The following PRKAR2B variants were observed in gnomAD, a reference collection of about 807,000 sequenced individuals.
PRKAR2B encodes the protein protein kinase cAMP-dependent type II regulatory subunit beta.
PRKAR2B carries 14 observed loss-of-function variants against 49.9 expected under a neutral mutation model. The ratio of observed to expected loss-of-function variants is 0.28; its 90% confidence interval spans 0.19 to 0.44. The LOEUF is 0.44. Among genes scored for constraint, PRKAR2B ranks in the 20% least tolerant of loss-of-function variants. The pLI is 1.00. For missense variants in PRKAR2B, 393 were observed against 537.9 expected (o/e 0.73, Z 2.67); for synonymous variants, 196 against 197.7 (o/e 0.99, Z 0.07).
intron 5 of PRKAR2B, among the ~76,000 whole-genome samples, chr7:107,142,286 T>TTCCC (rs1262581807): frequency 6.6e-6 from 1 of 152,166 alleles, no homozygotes; most frequent in Non-Finnish European, 1.5e-5. Context: ...GATTCTCCCA[T>TTCCC]TCCCTCATCC....
chr7:107,136,735 T>C (rs1795708257), intron 4 of PRKAR2B, among the ~76,000 whole-genome samples: 1 of 152,254 alleles, frequency 6.6e-6, no homozygotes, highest in Non-Finnish European at 1.5e-5. Context: ...ACAGCCACTT[T>C]AGAAGATTGT....
At chr7:107,075,716 T>C (rs930793628) in intron 2 of PRKAR2B, among the ~76,000 whole-genome samples, 2 of 152,112 alleles carry the variant, frequency 1.3e-5, no homozygotes, top group African/African-American at 4.8e-5. Context: ...GCAGAGAGTC[T>C]AGGCTTTTCA....
At chr7:107,157,075 C>T (rs886296878) in intron 9 of PRKAR2B, 26 bp downstream of exon 9, 16 of 1,607,672 alleles carry the variant, frequency 1.0e-5, no homozygotes, top group Non-Finnish European at 1.4e-5. Flanking sequence ...CCTCAGAACC[C>T]ACATACTGTT....
intron 1 of PRKAR2B, among the ~76,000 whole-genome samples, chr7:107,053,628 C>G (rs774586906): frequency 1.2e-4 from 18 of 151,086 alleles, no homozygotes; most frequent in Non-Finnish European, 2.4e-4. Context: ...TGGCAGAATA[C>G]AGAGGAAAAT....
intron 2 of PRKAR2B, among the ~76,000 whole-genome samples, chr7:107,116,871 A>C (rs1795283066): frequency 6.7e-6 from 1 of 148,854 alleles, no homozygotes; most frequent in African/African-American, 2.5e-5. Context: ...ATATACATAT[A>C]TATATATACA....
intron 5 of PRKAR2B, among the ~76,000 whole-genome samples, chr7:107,144,249 C>A (rs867459474): frequency 6.5e-4 from 99 of 151,906 alleles, no homozygotes; most frequent in African/African-American, 2.2e-3. Flanking sequence ...CCACGCCTGG[C>A]TAATTTTTTT....
chr7:107,064,813 G>T (rs1794101956), intron 1 of PRKAR2B, among the ~76,000 whole-genome samples: 1 of 152,200 alleles, frequency 6.6e-6, no homozygotes, highest in Non-Finnish European at 1.5e-5. Flanking sequence ...TAACAAAAAT[G>T]TAGAAAATAA....
At chr7:107,093,894 C>G (rs1232563602) in intron 2 of PRKAR2B, among the ~76,000 whole-genome samples, 2 of 152,240 alleles carry the variant, frequency 1.3e-5, no homozygotes, top group Admixed American at 1.3e-4. Context: ...GCCACATTTC[C>G]TTAATCCAGT....
intron 2 of PRKAR2B, among the ~76,000 whole-genome samples, chr7:107,114,665 T>G (rs1353052636): frequency 6.6e-6 from 1 of 151,824 alleles, no homozygotes; most frequent in African/African-American, 2.4e-5. Flanking sequence ...CCACCATGCC[T>G]GGCCAGCATG....
intron 1 of PRKAR2B, chr7:107,066,882 T>C (rs1425503140): frequency 1.3e-5 from 2 of 152,128 alleles, no homozygotes; most frequent in African/African-American, 2.4e-5. Flanking sequence ...GGCCAGGTTT[T>C]TTTCTTCAGA....
At chr7:107,145,167 A>C (rs1358383080) in intron 5 of PRKAR2B, among the ~76,000 whole-genome samples, 2 of 152,200 alleles carry the variant, frequency 1.3e-5, no homozygotes, top group African/African-American at 4.8e-5. Context: ...CAGAGAGTAA[A>C]TATTTTTGGC....
intron 2 of PRKAR2B, among the ~76,000 whole-genome samples, chr7:107,114,731 A>T (rs1285095017): frequency 6.6e-6 from 1 of 151,982 alleles, no homozygotes; most frequent in South Asian, 2.1e-4. Flanking sequence ...ATTTGTTTGA[A>T]GGTCTCAATT....
At chr7:107,144,380 C>T (rs1207745900) in intron 5 of PRKAR2B, among the ~76,000 whole-genome samples, 1 of 152,106 alleles carries the variant, frequency 6.6e-6, no homozygotes, top group Non-Finnish European at 1.5e-5. Context: ...ACCACTGTGC[C>T]TGGCCATGAA....
rs561294151 is a variant in PRKAR2B, at chr7:107,106,778, C to T, written c.344-15174C>T. ...ATCTTACACTGGAGACCTGGCAGGACCCCCCTCAGAATCAAGGGACCGAGG... is the reference window on the plus strand; with the variant it reads ...ATCTTACACTGGAGACCTGGCAGGATCCCCCTCAGAATCAAGGGACCGAGG... On this transcript the variant is annotated intron_variant, in intron 2 of 10. Transcript: ENST00000265717. Among the ~76,000 whole-genome samples the T allele has an allele frequency of 5.3e-5, 8 of 152,000 alleles. No homozygotes were observed. In the South Asian group the frequency reaches 8.3e-4, roughly 16 times the overall value.
At chr7:107,054,743 ACTGT>A (rs1282186754) in intron 1 of PRKAR2B, among the ~76,000 whole-genome samples, 1 of 152,212 alleles carries the variant, frequency 6.6e-6, no homozygotes, top group Non-Finnish European at 1.5e-5. Context: ...AATATTGAAC[ACTGT>A]CTAATGGTAA....
intron 2 of PRKAR2B, among the ~76,000 whole-genome samples, chr7:107,116,147 C>T (rs868697818): frequency 1.3e-5 from 2 of 152,206 alleles, no homozygotes; most frequent in South Asian, 4.1e-4. Flanking sequence ...TAACGTTTCT[C>T]ACCGACTAAA....
At chr7:107,123,916 A>G (rs1238756539) in intron 3 of PRKAR2B, among the ~76,000 whole-genome samples, 1 of 152,234 alleles carries the variant, frequency 6.6e-6, no homozygotes, top group East Asian at 1.9e-4. Context: ...ACTAAAAACT[A>G]TACTTACTTT....
intron 2 of PRKAR2B, among the ~76,000 whole-genome samples, chr7:107,096,407 A>G (rs1330818750): frequency 1.3e-5 from 2 of 150,254 alleles, no homozygotes; most frequent in Non-Finnish European, 1.5e-5. Context: ...ATTCTTTGTT[A>G]GTCTTGCTAG....
chr7:107,121,541 A>AT (rs1472897282), intron 2 of PRKAR2B, among the ~76,000 whole-genome samples: 1 of 152,170 alleles, frequency 6.6e-6, no homozygotes, highest in African/African-American at 2.4e-5. Flanking sequence ...AAATGTTAAT[A>AT]TTTGTTCCAT....
Sources: allele counts gnomAD v4.1 joint callset (sites outside exome capture counted in the v4.1 genomes callset), GRCh38; gene constraint gnomAD v4.1.1; transcripts MANE v1.5; gene names NCBI Gene and HGNC (gene_info 2026-07-23, HGNC 2026-07-21).